PTPRD: variants seen among roughly 807,000 people sequenced by gnomAD.
The protein encoded by PTPRD is receptor-type tyrosine-protein phosphatase delta.
PTPRD carries 34 observed loss-of-function variants against 214.5 expected under a neutral mutation model. That is an observed-to-expected ratio of 0.16 (90% CI 0.12 to 0.21). The LOEUF is 0.21. Among genes scored for constraint, PTPRD ranks in the 10% least tolerant of loss-of-function variants. The pLI is 1.00. For synonymous variants in PTPRD, 1,128 were observed against 845.7 expected (o/e 1.33, Z -5.79); for missense variants, 2,545 against 2,398.7 (o/e 1.06, Z -1.27).
chr9:9,408,062 T>C (rs578110425), intron 8 of PTPRD, among the ~76,000 whole-genome samples: 1 of 151,936 alleles, frequency 6.6e-6, no homozygotes, highest in South Asian at 2.1e-4. Context: ...GAGACAGGAT[T>C]CTGCAAATGC....
chr9:8,538,448 C>G (rs913522635), intron 14 of PTPRD, among the ~76,000 whole-genome samples: 1 of 151,638 alleles, frequency 6.6e-6, no homozygotes, highest in South Asian at 2.1e-4. Context: ...AATGGGACTA[C>G]AGAAAACATT....
intron 8 of PTPRD, among the ~76,000 whole-genome samples, chr9:9,409,182 G>C (rs368871973): frequency 6.6e-6 from 1 of 151,724 alleles, no homozygotes; most frequent in Non-Finnish European, 1.5e-5. Flanking sequence ...TCAGTATACT[G>C]TTCCTACAAT....
intron 5 of PTPRD, among the ~76,000 whole-genome samples, chr9:9,845,152 C>G (rs7036628): frequency 0.021 from 163 of 7,708 alleles, no homozygotes; most frequent in Non-Finnish European, 0.044. Context: ...ATATATTGCT[C>G]TATATATAGA....
intron 5 of PTPRD, among the ~76,000 whole-genome samples, chr9:9,925,891 T>C (rs10816238): frequency 0.34 from 51,771 of 151,954 alleles, 9,262 homozygotes; most frequent in East Asian, 0.63. Flanking sequence ...TACAGTGTCA[T>C]GGTCATGGCT....
In PTPRD at chr9:8,835,162, T is replaced by C. The variant is rs138764451; in HGVS notation, c.-103-101216A>G. ...GCATGGGGTGGACGAAGAAACGAAATGACCCCAGCTCCTGGCATAGCTAGA... is the reference window on the plus strand; with the variant it reads ...GCATGGGGTGGACGAAGAAACGAAACGACCCCAGCTCCTGGCATAGCTAGA... On this transcript the variant is annotated intron_variant, in intron 11 of 45. Transcript: ENST00000381196. Among the ~76,000 whole-genome samples the C allele has an allele frequency of 4.5e-3, 687 of 152,258 alleles. 5 individuals are homozygous for C. Among genetic ancestry groups the C allele is most frequent in the African/African-American group, 0.012 (506 of 41,548 alleles).
chr9:9,026,063 T>C (rs1289477492), intron 10 of PTPRD, among the ~76,000 whole-genome samples: 1 of 151,778 alleles, frequency 6.6e-6, no homozygotes, highest in Non-Finnish European at 1.5e-5. Flanking sequence ...ATGAAAAAAA[T>C]AAAACAGGGT....
chr9:9,857,371 T>G (rs775875670), intron 5 of PTPRD, among the ~76,000 whole-genome samples: 1 of 152,180 alleles, frequency 6.6e-6, no homozygotes, highest in Non-Finnish European at 1.5e-5. Context: ...AGAACAACAA[T>G]TCATTGGAAT....
chr9:10,273,359 A>G (rs1308861738), intron 3 of PTPRD, among the ~76,000 whole-genome samples: 1 of 152,084 alleles, frequency 6.6e-6, no homozygotes. Context: ...TGAAGAATAT[A>G]TTTTTCCAAG....
At chr9:9,196,292 T>C (rs993266194) in intron 9 of PTPRD, among the ~76,000 whole-genome samples, 12 of 152,246 alleles carry the variant, frequency 7.9e-5, no homozygotes, top group African/African-American at 2.9e-4. Context: ...TGATCAAGCA[T>C]GCATATTTGG....
At chr9:10,394,963 T>C (rs1013222703) in intron 2 of PTPRD, among the ~76,000 whole-genome samples, 7 of 148,430 alleles carry the variant, frequency 4.7e-5, no homozygotes, top group Non-Finnish European at 5.9e-5. Flanking sequence ...TTTTCTTTTT[T>C]TTTTTTTTTT....
chr9:10,043,329 G>A (rs1054940663), intron 3 of PTPRD, among the ~76,000 whole-genome samples: 1 of 151,864 alleles, frequency 6.6e-6, no homozygotes, highest in Non-Finnish European at 1.5e-5. Context: ...TTTACTTAGA[G>A]ATCAAAATGA....
intron 3 of PTPRD, among the ~76,000 whole-genome samples, chr9:10,302,048 G>A (rs1328004908): frequency 6.6e-6 from 1 of 152,192 alleles, no homozygotes; most frequent in Non-Finnish European, 1.5e-5. Context: ...ACAAAGGGAA[G>A]CCCATCAAAC....
chr9:9,832,970 T>C (rs1230487060), intron 5 of PTPRD, among the ~76,000 whole-genome samples: 1 of 151,924 alleles, frequency 6.6e-6, no homozygotes, highest in Non-Finnish European at 1.5e-5. Flanking sequence ...ATTTTATACT[T>C]GTGGGAAAAT....
chr9:10,303,210 C>T (rs1169336083), intron 3 of PTPRD, among the ~76,000 whole-genome samples: 1 of 151,996 alleles, frequency 6.6e-6, no homozygotes, highest in East Asian at 1.9e-4. Flanking sequence ...TATTTGAAAC[C>T]AATGAGAACA....
At chr9:8,568,951 A>G (rs1033990316) in intron 14 of PTPRD, among the ~76,000 whole-genome samples, 3 of 152,122 alleles carry the variant, frequency 2.0e-5, no homozygotes, top group Non-Finnish European at 4.4e-5. Context: ...TACAAACACT[A>G]ACATCATTTC....
chr9:10,203,967 T>C (rs1334678911), intron 3 of PTPRD, among the ~76,000 whole-genome samples: 2 of 152,126 alleles, frequency 1.3e-5, no homozygotes, highest in African/African-American at 2.4e-5. Context: ...TTGTTAGGAT[T>C]TGATGGCAGA....
At chr9:10,206,142 G>C (rs939362222) in intron 3 of PTPRD, among the ~76,000 whole-genome samples, 1 of 151,332 alleles carries the variant, frequency 6.6e-6, no homozygotes, top group Non-Finnish European at 1.5e-5. Flanking sequence ...TTTGCAAGTA[G>C]ATAAGACCAG....
intron 39 of PTPRD, among the ~76,000 whole-genome samples, chr9:8,360,588 A>G (rs1366158285): frequency 6.6e-6 from 1 of 152,154 alleles, no homozygotes; most frequent in African/African-American, 2.4e-5. Flanking sequence ...TTTGAAGGAG[A>G]TACCATACTC....
chr9:9,142,144 G>C (rs2099861539), intron 10 of PTPRD, among the ~76,000 whole-genome samples: 1 of 152,224 alleles, frequency 6.6e-6, no homozygotes, highest in Non-Finnish European at 1.5e-5. Flanking sequence ...GTTGTGGACA[G>C]GTGCTCTTTG....
Sources: gnomAD v4.1 joint callset for allele counts (sites outside exome capture counted in the v4.1 genomes callset) on GRCh38, gnomAD v4.1.1 for gene constraint, MANE v1.5 for transcripts, NCBI Gene and HGNC (gene_info 2026-07-23, HGNC 2026-07-21) for gene names.